The following WDPCP variants were observed in gnomAD, a reference collection of about 807,000 sequenced individuals.
WDPCP encodes WD repeat-containing and planar cell polarity effector protein fritz homolog.
Under a neutral mutation model 93.1 loss-of-function variants are expected in WDPCP, and 71 were observed. The observed-to-expected ratio is 0.76, with a 90% CI of 0.63 to 0.93. The LOEUF (loss-of-function observed/expected upper bound fraction) is 0.93, where lower values mean the gene tolerates loss of function less well. Ranked by LOEUF, WDPCP falls within the 40% of genes least tolerant of loss-of-function variation. The probability of loss-of-function intolerance (pLI) is 0.00; values close to 1 mark genes in which losing one functional copy is unlikely to be tolerated. For missense variants in WDPCP, 844 were observed against 887.4 expected, an observed-to-expected ratio of 0.95 and a Z score of 0.62; for synonymous variants, 315 against 315.0, an observed-to-expected ratio of 1.00 and a Z score of 0.00.
rs533070779 is a variant in WDPCP at position 63,569,296 on chromosome 2, T to C, written c.75+18901A>G. ...TTAACTAAAAACTTGAGACAATGGTTATCACTGGTGAGGAAAAAGAAGAAT... is the reference window on the plus strand; with the variant it reads ...TTAACTAAAAACTTGAGACAATGGTCATCACTGGTGAGGAAAAAGAAGAAT... On this transcript the variant is annotated intron_variant, in intron 1 of 17. Transcript: ENST00000272321. Among the ~76,000 whole-genome samples, 10 of 152,324 alleles carry C rather than the reference T, an allele frequency of 6.6e-5. 1 individual carries two copies. Among genetic ancestry groups the C allele is most frequent in the Admixed American group, 3.3e-4 (5 of 15,300 alleles).
At chr2:63,466,109 CT>C (rs1234772738) in intron 6 of WDPCP, among the ~76,000 whole-genome samples, 1 of 152,052 alleles carries the variant, frequency 6.6e-6, no homozygotes, top group Non-Finnish European at 1.5e-5. Flanking sequence ...AATTTATATG[CT>C]TAGTGGGGCC....
chr2:63,123,534 A>G (rs1669688643), intron 17 of WDPCP, among the ~76,000 whole-genome samples: 1 of 152,060 alleles, frequency 6.6e-6, no homozygotes, highest in South Asian at 2.1e-4. Context: ...ACAAAACAAA[A>G]AATATTCCTT....
Position 63,121,965 on chromosome 2 carries a change from G to C in WDPCP, c.*41C>G. 6.2e-7 allele frequency: 1 copy of C among 1,612,220 alleles called. No individual in the cohort carries two copies. Among genetic ancestry groups the C allele is most frequent in the Non-Finnish European group, 8.5e-7 (1 of 1,179,406 alleles). ...TTAAGTCTGTATCAGGCCATGAAAAGTTTAGATATGAAGAAGGCAGTTTTC... is the reference window on the plus strand; with the variant it reads ...TTAAGTCTGTATCAGGCCATGAAAACTTTAGATATGAAGAAGGCAGTTTTC... On this transcript the variant is annotated 3_prime_UTR_variant, in exon 18 of 18. Coordinates refer to ENST00000272321, the MANE Select transcript of WDPCP (RefSeq NM_015910.7).
intron 15 of WDPCP, among the ~76,000 whole-genome samples, chr2:63,159,996 A>G (rs550746793): frequency 6.6e-6 from 1 of 152,308 alleles, no homozygotes; most frequent in East Asian, 1.9e-4. Context: ...CCATGGTTGC[A>G]CTTGACTAGG....
chr2:63,606,001 G>C, intron 3 of WDPCP: 1 of 1,614,096 alleles, frequency 6.2e-7, no homozygotes, highest in Non-Finnish European at 8.5e-7. Flanking sequence ...CTGATGATCT[G>C]CTCTACTCAT....
intron 3 of WDPCP, among the ~76,000 whole-genome samples, chr2:63,596,750 T>A (rs1297532788): frequency 1.3e-5 from 2 of 152,202 alleles, no homozygotes; most frequent in Admixed American, 6.5e-5. Context: ...AGAAGTGCGA[T>A]GACTTATGTT....
chr2:63,188,214 G>T (rs1674781431), intron 14 of WDPCP, among the ~76,000 whole-genome samples: 1 of 151,988 alleles, frequency 6.6e-6, no homozygotes. Flanking sequence ...TGAGTTTGTA[G>T]GTCCATTTCT....
intron 1 of WDPCP, among the ~76,000 whole-genome samples, chr2:63,504,324 TTGTGTGTGTGTGTGTGTGTGTGTG>T (rs60202196): frequency 7.2e-6 from 1 of 138,022 alleles, no homozygotes; most frequent in African/African-American, 2.7e-5. Flanking sequence ...ACGTACTAAA[TTGTGTGTGTGTGTGTGTGTGTGTG>T]TGTGTGTGTG....
chr2:63,506,025 C>T (rs562442335), intron 1 of WDPCP, among the ~76,000 whole-genome samples: 20 of 152,096 alleles, frequency 1.3e-4, no homozygotes, highest in East Asian at 5.8e-4. Context: ...AAATCTCTAT[C>T]GCAATAAAAA....
rs766457834 is a variant in WDPCP at position 63,487,467 on chromosome 2, T to C, written c.188A>G (p.Tyr63Cys). The change falls in exon 3 of 18, where the codon TAT (tyrosine) becomes TGT (cysteine). Residue 63 changes from tyrosine (Y) to cysteine (C), a missense_variant. Tyr to Cys is a radical substitution (Grantham distance 194). Transcript: ENST00000272321. ...ADRDIGIYQY[Y>C]DKKDPPATEH... ...TTTACCTGGTGGATCTTTCTTGTCATAATACTGGTAGATCCCAATGTCTCT... is the reference window on the plus strand; with the variant it reads ...TTTACCTGGTGGATCTTTCTTGTCACAATACTGGTAGATCCCAATGTCTCT... 1 of 1,593,808 alleles carries C rather than the reference T, an allele frequency of 6.3e-7. No individual in the cohort carries two copies. Among genetic ancestry groups the C allele is most frequent in the Non-Finnish European group, 8.6e-7 (1 of 1,162,960 alleles).
At chr2:63,259,224 A>AT in intron 14 of WDPCP, 83 bp downstream of exon 14, 1 of 1,180,288 alleles carries the variant, frequency 8.5e-7, no homozygotes, top group Non-Finnish European at 1.3e-6. Flanking sequence ...CAAATTAACC[A>AT]TCCATGTCCT....
intron 14 of WDPCP, among the ~76,000 whole-genome samples, chr2:63,245,025 A>G (rs1297855155): frequency 6.6e-6 from 1 of 152,182 alleles, no homozygotes; most frequent in African/African-American, 2.4e-5. Context: ...TGATGGCATA[A>G]GTGGAAATTC....
At chr2:63,528,397 G>A (rs1703526128) in intron 1 of WDPCP, among the ~76,000 whole-genome samples, 1 of 152,136 alleles carries the variant, frequency 6.6e-6, no homozygotes, top group Non-Finnish European at 1.5e-5. Flanking sequence ...TTTTGTATAA[G>A]GTGTAAGGAA....
At chr2:63,506,368 A>T (rs1165803830) in intron 1 of WDPCP, among the ~76,000 whole-genome samples, 3 of 152,050 alleles carry the variant, frequency 2.0e-5, no homozygotes, top group Non-Finnish European at 4.4e-5. Flanking sequence ...GGACCATCCA[A>T]GAAAAGATGG....
chr2:63,375,836 T>C (rs1691813035), intron 12 of WDPCP, among the ~76,000 whole-genome samples: 1 of 151,890 alleles, frequency 6.6e-6, no homozygotes, highest in Non-Finnish European at 1.5e-5. Flanking sequence ...AATAATCCAA[T>C]CCAAATTCAG....
At chr2:63,259,158 T>C (rs1681390152) in intron 14 of WDPCP, 149 bp downstream of exon 14, 6 of 691,414 alleles carry the variant, frequency 8.7e-6, no homozygotes, top group Non-Finnish European at 1.2e-5. Context: ...ATTGTGCTGT[T>C]TGTCAAAGCT....
chr2:63,794,163 C>A (rs1342005169), intron 2 of WDPCP, among the ~76,000 whole-genome samples: 1 of 152,180 alleles, frequency 6.6e-6, no homozygotes. Flanking sequence ...CATGTTTGTA[C>A]TTTGCCATTT....
At chr2:63,773,766 T>C (rs1453696028) in intron 2 of WDPCP, among the ~76,000 whole-genome samples, 1 of 152,080 alleles carries the variant, frequency 6.6e-6, no homozygotes, top group Non-Finnish European at 1.5e-5. Context: ...CTATATAATT[T>C]AATGAATGTA....
chr2:63,360,275 T>A (rs1478011669), intron 12 of WDPCP, among the ~76,000 whole-genome samples: 1 of 152,228 alleles, frequency 6.6e-6, no homozygotes, highest in Non-Finnish European at 1.5e-5. Context: ...TTGTTATAAT[T>A]GCAGTTATGC....
Sources: gnomAD v4.1 joint callset for allele counts (sites outside exome capture counted in the v4.1 genomes callset) on GRCh38, gnomAD v4.1.1 for gene constraint, MANE v1.5 for transcripts, NCBI Gene and HGNC (gene_info 2026-07-23, HGNC 2026-07-21) for gene names.